SEC16A: variants seen among roughly 807,000 people sequenced by gnomAD.
SEC16A encodes protein transport protein Sec16A.
SEC16A carries 110 observed loss-of-function variants against 221.9 expected under a neutral mutation model. That is an observed-to-expected ratio of 0.50 (90% CI 0.42 to 0.58). The LOEUF (loss-of-function observed/expected upper bound fraction) is 0.58. Ranked by LOEUF, SEC16A falls within the 20% of genes least tolerant of loss-of-function variation. The pLI is 0.00. For synonymous variants in SEC16A, 1,393 were observed against 1,257.7 expected (o/e 1.11, Z -2.28); for missense variants, 3,165 against 3,097.8 (o/e 1.02, Z -0.52).
intron 1 of SEC16A, among the ~76,000 whole-genome samples, chr9:136,479,718 A>G (rs1842083474): frequency 6.6e-6 from 1 of 152,162 alleles, no homozygotes; most frequent in Admixed American, 6.5e-5. Flanking sequence ...ATTCAGATAA[A>G]AGAAGAAAAC....
upstream of SEC16A, chr9:136,484,715 G>A: frequency 7.3e-7 from 1 of 1,366,664 alleles, no homozygotes; most frequent in Non-Finnish European, 9.8e-7. Context: ...GCTTCAGTCC[G>A]GCTGACGTGG....
chr9:136,463,061 C>T lies in SEC16A; in HGVS notation c.4719G>A (p.Ser1573=), dbSNP rs776375201. ...DHRTVWLPGK[S]PNEANLIDFT... is the part of the protein sequence containing the mutation. ...AATCAATCAGGTTTGCTTCATTGGG[C>T]GACTTCCCAGGAAGCCACACTGTTC... is the stretch of plus-strand genomic sequence containing the variant. The change falls in exon 12 of 32, where the codon TCG becomes TCA. Residue 1573 remains serine, a synonymous_variant. Coordinates refer to ENST00000684901, the MANE Select transcript of SEC16A (RefSeq NM_014866.2). The T allele has an allele frequency of 1.7e-5, 27 of 1,612,526 alleles. No homozygotes were observed. Among genetic ancestry groups the T allele is most frequent in the Non-Finnish European group, 2.0e-5 (24 of 1,179,886 alleles).
intron 29 of SEC16A, 70 bp downstream of exon 29, chr9:136,445,575 A>C: frequency 2.6e-6 from 3 of 1,169,148 alleles, no homozygotes; most frequent in Non-Finnish European, 3.7e-6. Context: ...CCATAAAGGA[A>C]GAGGCGCCTG....
At position 136,466,379 on chromosome 9, in the gene SEC16A, G is replaced by A. The variant is rs947192655; in HGVS notation, c.4013C>T (p.Pro1338Leu). The A allele has an allele frequency of 3.1e-6, 5 of 1,600,100 alleles. No individual in the cohort carries two copies. In the Admixed American group the frequency reaches 6.9e-5, roughly 22 times the overall value. The change falls in exon 7 of 32, where the codon CCT becomes CTT. Residue 1338 changes from proline to leucine, a missense_variant. By Grantham distance (98) the Pro-to-Leu change is moderately conservative. Around this residue, in one of 3 missense-constraint regions of SEC16A, gnomAD observed 2,030 missense variants for 1,923.1 expected, o/e 1.06. Coordinates refer to ENST00000684901, the MANE Select transcript of SEC16A (RefSeq NM_014866.2). This position sits in a 1 kb window ranked among gnomAD's most constrained non-coding sequence, Gnocchi z 5.5. ...GCGCCGGTCCACCTCTTCCCCATAA[G>A]GGTCTCTGTGCGGATCGGGGTCATC... The part of the protein sequence containing the change: ...FDDDPDPHRD[P>L]YGEEVDRRSV...
intron 13 of SEC16A, 139 bp downstream of exon 13, chr9:136,461,038 C>A (rs1157390834): frequency 4.4e-6 from 3 of 675,380 alleles, no homozygotes; most frequent in Non-Finnish European, 8.0e-6. Context: ...AGCCTCGAGG[C>A]CAAGGAAGCC....
In SEC16A at chr9:136,476,690, A is replaced by C; in HGVS notation, c.926T>G (p.Val309Gly). ...GAGCTCTGGGCTTGCCCAGTGATTC[A>C]CAATTCTGGGATTTTGCCTGAATGT... ...ESTFRQNPRI[V>G]NHWASPELRQ... The change falls in exon 3 of 32, where the codon GTG becomes GGG. Residue 309 changes from valine (V) to glycine (G), a missense_variant. This residue lies in a region of SEC16A where 2,030 missense variants were observed against 1,923.1 expected (regional missense o/e 1.06). Transcript: ENST00000684901. 1 of 1,573,508 alleles carries C rather than the reference A, an allele frequency of 6.4e-7. No individual in the cohort carries two copies. The highest frequency in any genetic ancestry group is 2.3e-5 in the East Asian group (1 of 44,432).
At position 136,459,839 on chromosome 9, in the gene SEC16A, C is replaced by A; in HGVS notation, c.5109G>T (p.Pro1703=). The A allele has an allele frequency of 6.2e-7, 1 of 1,613,264 alleles. No individual in the cohort carries two copies. Among genetic ancestry groups the A allele is most frequent in the South Asian group, 1.1e-5 (1 of 90,908 alleles). ...AGTTGGACAAGACCATGGCGAGGTG[C>A]GGCCTCCAATCTCCCCATTTCTCGT... The part of the protein sequence containing the change: ...CGDEKWGDWR[P]HLAMVLSNLN... Residue 1703 remains proline, a synonymous_variant, in exon 15 of 32, where the codon CCG becomes CCT. Transcript: ENST00000684901. The surrounding 1 kb of genome is among the most constrained non-coding windows in gnomAD (Gnocchi z 6.1).
upstream of SEC16A, chr9:136,483,837 A>G (rs867288027): frequency 1.0e-5 from 10 of 979,248 alleles, no homozygotes; most frequent in Middle Eastern, 1.1e-3. Context: ...GAGCTGCGGG[A>G]CGCGGAGGGC....
At position 136,482,086 on chromosome 9, in the gene SEC16A, G is replaced by A. The variant is rs191336822; in HGVS notation, c.-192+852C>T. Among the ~76,000 whole-genome samples the A allele has an allele frequency of 2.1e-3, 314 of 152,272 alleles. 2 individuals carry two copies. The highest frequency in any genetic ancestry group is 7.4e-3 in the African/African-American group (307 of 41,556). On this transcript the variant is annotated intron_variant, in intron 1 of 31. Coordinates refer to ENST00000684901, the MANE Select transcript of SEC16A (RefSeq NM_014866.2). The stretch of plus-strand genomic sequence containing the variant: ...GTAACCACTATTAACAGTAAACGAG[G>A]AACAAGGAACAAGAAAGACACGCTA...
Position 136,444,986 on chromosome 9 carries a change from C to T in SEC16A, c.6927+66G>A, listed in dbSNP as rs58256728. 4,812 of 1,450,436 alleles carry T rather than the reference C, an allele frequency of 3.3e-3. 141 individuals are homozygous for T. In the African/African-American group the frequency reaches 0.056, roughly 17 times the overall value. The allele number at this position is 1,450,436 out of a possible 1,614,324, so 89.8% of individuals were successfully genotyped here. On this transcript the variant is annotated intron_variant, in intron 30 of 31. Transcript: ENST00000684901. Reference sequence around the variant, plus strand: ...AAGCGCACGTGGCGAACCGGCACCGCGTGCTCAGGAACACAGGCGGCACAC... The same window carrying T: ...AAGCGCACGTGGCGAACCGGCACCGTGTGCTCAGGAACACAGGCGGCACAC...
chr9:136,463,703 C>T lies in SEC16A; in HGVS notation c.4484G>A (p.Arg1495Gln), dbSNP rs377240654. 2.1e-5 allele frequency: 34 copies of T among 1,612,682 alleles called. No individual in the cohort carries two copies. In the East Asian group the frequency reaches 5.1e-4, roughly 24 times the overall value. The change falls in exon 10 of 32, where the codon CGG becomes CAG. Residue 1495 changes from arginine (R) to glutamine (Q), a missense_variant. Coordinates refer to ENST00000684901, the MANE Select transcript of SEC16A (RefSeq NM_014866.2). ...CTTGGCCAGGGGTCCCGGGAACGCC[C>T]GCATCTCCTCCTGCTCAGACGTGTG... ...LQHTSEQEEM[R>Q]AFPGPLAKDD...
chr9:136,473,435 A>C (rs541313038), intron 3 of SEC16A, among the ~76,000 whole-genome samples: 1 of 152,268 alleles, frequency 6.6e-6, no homozygotes, highest in Non-Finnish European at 1.5e-5. Flanking sequence ...AATGTCACTC[A>C]TGAGCTGGTG....
chr9:136,471,612 G>A (rs1363553978), intron 4 of SEC16A, among the ~76,000 whole-genome samples: 1 of 152,206 alleles, frequency 6.6e-6, no homozygotes, highest in South Asian at 2.1e-4. Flanking sequence ...CCGTGTCTCT[G>A]GGGAGCCTGA....
intron 24 of SEC16A, 59 bp downstream of exon 24, chr9:136,448,025 A>C: frequency 1.3e-6 from 2 of 1,556,168 alleles, no homozygotes; most frequent in Non-Finnish European, 1.8e-6. Flanking sequence ...CTGCTCTGAA[A>C]GTGACAGAAA....
chr9:136,466,477 G>C lies in SEC16A; in HGVS notation c.3930-15C>G, dbSNP rs1224256028. 1 of 1,588,256 alleles carries C rather than the reference G, an allele frequency of 6.3e-7. No homozygotes were observed. The highest frequency in any genetic ancestry group is 8.6e-7 in the Non-Finnish European group (1 of 1,165,628). ...GTTTCTCGGGCCTAGAGGAAGCCGG[G>C]GGACAGAGGCAGAGGAATGGGAGTG... On this transcript the variant is annotated splice_polypyrimidine_tract_variant and intron_variant, in intron 6 of 31. Transcript: ENST00000684901. The surrounding 1 kb of genome is among the most constrained non-coding windows in gnomAD (Gnocchi z 5.5).
chr9:136,453,502 G>T lies in SEC16A; in HGVS notation c.6085C>A (p.Pro2029Thr). ...EARSPDPGIV[P>T]QEAPVGNSLS... ...GAGTTTCCAACAGGCGCCTCCTGCGGCACTATCCCTGTCAACGGGAAAGAG... is the reference window on the plus strand; with the variant it reads ...GAGTTTCCAACAGGCGCCTCCTGCGTCACTATCCCTGTCAACGGGAAAGAG... The change falls in exon 22 of 32, where the codon CCG (proline) becomes ACG (threonine). Residue 2029 changes from proline to threonine, a missense_variant. By Grantham distance (38) the Pro-to-Thr change is conservative. Transcript: ENST00000684901. 6.2e-7 allele frequency: 1 copy of T among 1,612,314 alleles called. No homozygotes were observed. Among genetic ancestry groups the T allele is most frequent in the South Asian group, 1.1e-5 (1 of 91,044 alleles).
In SEC16A at chr9:136,441,766, C is replaced by G. The variant is rs759281401; in HGVS notation, c.7063G>C (p.Val2355Leu). ...ACAGCAGGGCAAGCCTAGTTCAGCA[C>G]CAGGTGCTTCCTCTGGCCAATCCTC... ...LGRIGQRKHL[V>L]LN The change falls in exon 32 of 32, where the codon GTG becomes CTG. Residue 2355 changes from valine to leucine, a missense_variant. This residue lies in a region of SEC16A where 1,088 missense variants were observed against 1,089.6 expected (regional missense o/e 1.00). Transcript: ENST00000684901. 5 of 1,613,430 alleles carry G rather than the reference C, an allele frequency of 3.1e-6. No individual in the cohort carries two copies. The highest frequency in any genetic ancestry group is 4.2e-6 in the Non-Finnish European group (5 of 1,179,842).
chr9:136,466,529 G>A lies in SEC16A; in HGVS notation c.3930-67C>T, dbSNP rs1312845059. 8 of 1,447,362 alleles carry A rather than the reference G, an allele frequency of 5.5e-6. No individual in the cohort carries two copies. The highest frequency in any genetic ancestry group is 1.8e-4 in the Middle Eastern group (1 of 5,530). 89.7% of individuals were successfully genotyped at this position (1,447,362 alleles called of 1,614,324 possible). A position where few individuals can be genotyped will look rare whatever the true frequency, so the allele number is the denominator to read the frequency against. The stretch of plus-strand genomic sequence containing the variant: ...CGGAGGCCCCGTCCCCATGTGCCAC[G>A]CAGCTGCCCAGGAGCTGAGACCGAG... On this transcript the variant is annotated intron_variant, in intron 6 of 31. Transcript: ENST00000684901. The surrounding 1 kb of genome is among the most constrained non-coding windows in gnomAD (Gnocchi z 5.5).
rs377183251 is a variant in SEC16A, at chr9:136,440,134, A to C, written c.*1621T>G. ...AGGAGCGCAAAATATTTTATTCAACAATTTGCAATGTAACAATTCTCATTT... is the reference window on the plus strand; with the variant it reads ...AGGAGCGCAAAATATTTTATTCAACCATTTGCAATGTAACAATTCTCATTT... On this transcript the variant is annotated 3_prime_UTR_variant, in exon 32 of 32. Coordinates refer to ENST00000684901, the MANE Select transcript of SEC16A (RefSeq NM_014866.2). 26 of 152,408 alleles carry C rather than the reference A, an allele frequency of 1.7e-4. 1 individual carries two copies. In the East Asian group the frequency reaches 4.6e-3, roughly 27 times the overall value. The allele number at this position is 152,408 out of a possible 1,614,324, so 9.4% of individuals were successfully genotyped here.
Sources: allele counts gnomAD v4.1 joint callset (sites outside exome capture counted in the v4.1 genomes callset), GRCh38; gene constraint gnomAD v4.1.1; regional missense constraint gnomAD v4.1.1; non-coding constraint Gnocchi (gnomAD v3.1); transcripts MANE v1.5; gene names NCBI Gene and HGNC (gene_info 2026-07-23, HGNC 2026-07-21).